The following ACTR3C variants were observed in gnomAD, a reference collection of about 807,000 sequenced individuals.
ACTR3C encodes actin-related protein 3C.
A neutral mutation model predicts 26.3 loss-of-function variants in ACTR3C; 18 were observed. That is an observed-to-expected ratio of 0.68 (90% CI 0.47 to 1.01). The LOEUF is 1.01. Among genes scored for constraint, ACTR3C ranks in the 50% least tolerant of loss-of-function variants. The pLI is 0.00. For synonymous variants in ACTR3C, 55 were observed against 94.5 expected, an observed-to-expected ratio of 0.58 and a Z score of 2.42; for missense variants, 184 against 250.7, an observed-to-expected ratio of 0.73 and a Z score of 1.80.
At chr7:149,890,080 C>G in the ACTR3C span, among the ~76,000 whole-genome samples, 1 of 152,090 alleles carries the variant, frequency 6.6e-6, no homozygotes, top group African/African-American at 2.4e-5. Flanking sequence ...AACTATTAGC[C>G]TTATAGTTCA....
chr7:150,183,738 C>CCTGAATGT, the ACTR3C span, among the ~76,000 whole-genome samples: 1 of 143,342 alleles, frequency 7.0e-6, no homozygotes, highest in East Asian at 2.0e-4. Context: ...GTCAGAAACA[C>CCTGAATGT]CTGAATGTAC....
chr7:150,322,297 T>C (rs375054563), intron 1 of ACTR3C, among the ~76,000 whole-genome samples: 8 of 152,228 alleles, frequency 5.3e-5, no homozygotes, highest in African/African-American at 1.9e-4. Flanking sequence ...TTAGGCATTC[T>C]AAGTCACAGG....
chr7:149,972,953 T>C, the ACTR3C span, among the ~76,000 whole-genome samples: 3 of 151,778 alleles, frequency 2.0e-5, no homozygotes, highest in Non-Finnish European at 4.4e-5. Flanking sequence ...CAGGTAATTA[T>C]AGTGAGTGGG....
the ACTR3C span, among the ~76,000 whole-genome samples, chr7:150,067,612 C>T: frequency 2.0e-5 from 3 of 152,114 alleles, no homozygotes; most frequent in African/African-American, 7.2e-5. Flanking sequence ...TCACTTACCA[C>T]CCAGAACTAT....
rs188207126 is a variant in ACTR3C at position 150,266,486 on chromosome 7, C to A, written c.565-17432G>T. On this transcript the variant is annotated intron_variant, in intron 6 of 7. Transcript: ENST00000683684. ...AAAAGCACAAAATTTCTTTGAAAAA[C>A]CATTTTTTAAAAACTTCGTAATTTT... 3.5e-3 allele frequency among the ~76,000 whole-genome samples: 526 copies of A among 151,906 alleles called. 2 individuals carry two copies. The highest frequency in any genetic ancestry group is 0.012 in the African/African-American group (495 of 41,320).
chr7:150,085,205 C>T, the ACTR3C span, among the ~76,000 whole-genome samples: 1 of 152,110 alleles, frequency 6.6e-6, no homozygotes, highest in South Asian at 2.1e-4. Context: ...ACTGAGTTTG[C>T]AGTTCACTTA....
chr7:150,214,283 A>C, the ACTR3C span, among the ~76,000 whole-genome samples: 2 of 152,184 alleles, frequency 1.3e-5, no homozygotes, highest in African/African-American at 2.4e-5. Context: ...ATTATCATAC[A>C]AGAGTTTTAA....
the ACTR3C span, among the ~76,000 whole-genome samples, chr7:150,018,475 C>A: frequency 4.0e-4 from 60 of 148,682 alleles, no homozygotes; most frequent in South Asian, 8.5e-4. Context: ...TTTTATAAAT[C>A]ATTTTGGATG....
At chr7:150,097,302 C>T in the ACTR3C span, among the ~76,000 whole-genome samples, 1 of 151,748 alleles carries the variant, frequency 6.6e-6, no homozygotes, top group Admixed American at 6.6e-5. Flanking sequence ...TTAAAGCTTT[C>T]CTCACTGTTC....
At chr7:150,276,285 C>T (rs926244949) in intron 6 of ACTR3C, among the ~76,000 whole-genome samples, 16 of 152,262 alleles carry the variant, frequency 1.1e-4, no homozygotes, top group African/African-American at 3.6e-4. Context: ...ACACACAGTG[C>T]CACCTATCAG....
At chr7:149,931,977 G>T in the ACTR3C span, among the ~76,000 whole-genome samples, 1 of 152,114 alleles carries the variant, frequency 6.6e-6, no homozygotes, top group Non-Finnish European at 1.5e-5. Flanking sequence ...GTACAAAATG[G>T]CTAATTAGAA....
At chr7:150,021,126 TTTTTA>T in the ACTR3C span, among the ~76,000 whole-genome samples, 2 of 151,554 alleles carry the variant, frequency 1.3e-5, no homozygotes, top group African/African-American at 4.9e-5. Flanking sequence ...CAGCCTTTTT[TTTTTA>T]AAAAAAATAT....
At chr7:150,257,534 G>A (rs1044753537) in intron 6 of ACTR3C, among the ~76,000 whole-genome samples, 1 of 152,232 alleles carries the variant, frequency 6.6e-6, no homozygotes, top group East Asian at 1.9e-4. Flanking sequence ...GATCAGGGAG[G>A]AGGGACTCTA....
At chr7:150,215,389 A>T in the ACTR3C span, among the ~76,000 whole-genome samples, 1 of 152,134 alleles carries the variant, frequency 6.6e-6, no homozygotes, top group African/African-American at 2.4e-5. Context: ...ATGAATAAGG[A>T]TTGACTTCTT....
At chr7:150,004,689 C>G in the ACTR3C span, 2 of 152,330 alleles carry the variant, frequency 1.3e-5, no homozygotes, top group East Asian at 3.8e-4. Context: ...ACTGATATCA[C>G]GTGCCTCTTG....
chr7:150,145,032 A>G, the ACTR3C span, among the ~76,000 whole-genome samples: 1 of 145,856 alleles, frequency 6.9e-6, no homozygotes. Context: ...CCTGGTGGAC[A>G]GTGCGAGACT....
the ACTR3C span, among the ~76,000 whole-genome samples, chr7:149,937,588 A>G: frequency 1.3e-5 from 2 of 152,156 alleles, no homozygotes; most frequent in Admixed American, 1.3e-4. Flanking sequence ...ACATTTCAAC[A>G]CCTGTAATCA....
At chr7:150,063,826 A>C in the ACTR3C span, among the ~76,000 whole-genome samples, 1 of 151,938 alleles carries the variant, frequency 6.6e-6, no homozygotes, top group Non-Finnish European at 1.5e-5. Flanking sequence ...TCCCCACTGG[A>C]ACATGGATTA....
chr7:150,098,464 C>A, the ACTR3C span, among the ~76,000 whole-genome samples: 2 of 151,832 alleles, frequency 1.3e-5, no homozygotes, highest in Non-Finnish European at 2.9e-5. Context: ...ATACGCATGA[C>A]ATGAAGAGAC....
Sources: gnomAD v4.1 joint callset for allele counts (sites outside exome capture counted in the v4.1 genomes callset) on GRCh38, gnomAD v4.1.1 for gene constraint, MANE v1.5 for transcripts, NCBI Gene and HGNC (gene_info 2026-07-23, HGNC 2026-07-21) for gene names.